Variants in LPXN observed in about 807,000 individuals in gnomAD.
The protein encoded by LPXN is leupaxin.
Under a neutral mutation model 45.6 loss-of-function variants are expected in LPXN, and 28 were observed. The ratio of observed to expected loss-of-function variants is 0.61; its 90% CI spans 0.45 to 0.84. The LOEUF is 0.84. Among genes scored for constraint, LPXN ranks in the 40% least tolerant of loss-of-function variants. The probability of loss-of-function intolerance (pLI) is 0.00; values close to 1 mark genes in which losing one functional copy is unlikely to be tolerated. For missense variants in LPXN, 459 were observed against 475.0 expected, an observed-to-expected ratio of 0.97 and a Z score of 0.31; for synonymous variants, 166 against 169.9, an observed-to-expected ratio of 0.98 and a Z score of 0.18.
At chr11:58,559,315 C>T (rs555946104) in intron 3 of LPXN, among the ~76,000 whole-genome samples, 2 of 152,018 alleles carry the variant, frequency 1.3e-5, no homozygotes, top group Non-Finnish European at 2.9e-5. Flanking sequence ...ACATATACCA[C>T]TTGATTGAGC....
intron 7 of LPXN, among the ~76,000 whole-genome samples, chr11:58,530,576 C>T (rs1364288977): frequency 1.3e-5 from 2 of 152,196 alleles, no homozygotes; most frequent in African/African-American, 4.8e-5. Context: ...ATAAAACCCC[C>T]ATCTCCCTGG....
At chr11:58,571,903 A>AT (rs1402460320) in intron 1 of LPXN, among the ~76,000 whole-genome samples, 1 of 152,196 alleles carries the variant, frequency 6.6e-6, no homozygotes, top group African/African-American at 2.4e-5. Flanking sequence ...AATCTGGGCT[A>AT]TCTGATCCCT....
chr11:58,569,498 CCT>C (rs1854619826), intron 2 of LPXN, among the ~76,000 whole-genome samples: 1 of 151,602 alleles, frequency 6.6e-6, no homozygotes, highest in African/African-American at 2.4e-5. Context: ...AAGCAATCCT[CCT>C]GCTTCAGCCA....
intron 2 of LPXN, among the ~76,000 whole-genome samples, chr11:58,570,042 G>A (rs1854639320): frequency 6.6e-6 from 1 of 151,462 alleles, no homozygotes; most frequent in East Asian, 1.9e-4. Flanking sequence ...GATGGCTCAT[G>A]CCTGTAATCC....
At chr11:58,568,867 T>C (rs981376034) in intron 2 of LPXN, among the ~76,000 whole-genome samples, 1 of 152,174 alleles carries the variant, frequency 6.6e-6, no homozygotes, top group African/African-American at 2.4e-5. Flanking sequence ...AACTATGGCT[T>C]TTACTCCAAA....
intron 5 of LPXN, among the ~76,000 whole-genome samples, chr11:58,550,692 G>T (rs975945583): frequency 1.3e-5 from 2 of 152,116 alleles, no homozygotes; most frequent in Admixed American, 1.3e-4. Flanking sequence ...GTGAACAAAG[G>T]GAGCAGTGAG....
upstream of LPXN, chr11:58,578,261 GA>G: frequency 2.4e-5 from 13 of 531,110 alleles, no homozygotes; most frequent in East Asian, 7.4e-5. Flanking sequence ...ACTGCCTCCC[GA>G]AAAAAAGGTA....
intron 7 of LPXN, among the ~76,000 whole-genome samples, chr11:58,538,297 G>A (rs1196363049): frequency 7.9e-5 from 12 of 152,058 alleles, no homozygotes; most frequent in Non-Finnish European, 2.9e-5. Context: ...CAGTAATGGG[G>A]TGGCTGGGCC....
chr11:58,560,255 T>C (rs1854333064), intron 3 of LPXN, among the ~76,000 whole-genome samples: 2 of 152,208 alleles, frequency 1.3e-5, no homozygotes, highest in Admixed American at 6.5e-5. Flanking sequence ...TATATCTCAG[T>C]TATTATACAC....
chr11:58,578,115 C>A (rs549285953), upstream of LPXN: 94 of 1,527,626 alleles, frequency 6.2e-5, no homozygotes, highest in Non-Finnish European at 8.0e-5. Flanking sequence ...GGCAGTTACG[C>A]AGACACCCCG....
At chr11:58,555,877 GAAAT>G (rs1854188481) in intron 3 of LPXN, among the ~76,000 whole-genome samples, 1 of 151,776 alleles carries the variant, frequency 6.6e-6, no homozygotes, top group Non-Finnish European at 1.5e-5. Context: ...AGAAAGATCA[GAAAT>G]AAATAAAACT....
At position 58,527,689 on chromosome 11, in the gene LPXN, A is replaced by G; in HGVS notation, c.926T>C (p.Phe309Ser). The change falls in exon 9 of 9, where the codon TTT becomes TCT. Residue 309 changes from phenylalanine (F) to serine (S), a missense_variant. By Grantham distance (155) the Phe-to-Ser change is radical. Transcript: ENST00000395074. ...ACAGAATGGACGTCCATCCAGTTCA[A>G]AGAAGGAGCCAGTAGAAAAACTGGT... ...CFTSFSTGSFFELDGRPFCEL... is the reference protein window; with the variant it reads ...CFTSFSTGSFSELDGRPFCEL... 6.2e-7 allele frequency: 1 copy of G among 1,614,108 alleles called. No homozygotes were observed. Among genetic ancestry groups the G allele is most frequent in the Non-Finnish European group, 8.5e-7 (1 of 1,180,006 alleles).
At chr11:58,536,979 T>C (rs1212064352) in intron 7 of LPXN, among the ~76,000 whole-genome samples, 7 of 152,154 alleles carry the variant, frequency 4.6e-5, no homozygotes, top group Admixed American at 3.9e-4. Flanking sequence ...TCACGCCAGT[T>C]AGAAAGGCGA....
chr11:58,569,206 C>T lies in LPXN; in HGVS notation c.171+1350G>A, dbSNP rs377054725. Among the ~76,000 whole-genome samples, 204 of 152,306 alleles carry T rather than the reference C, an allele frequency of 1.3e-3. 1 individual carries two copies. The highest frequency in any genetic ancestry group is 4.7e-3 in the African/African-American group (195 of 41,570). ...ATCAAAATATCATAGTACAAAATTA[C>T]CAGCTATGAAGAGCATCTACTTAAT... On this transcript the variant is annotated intron_variant, in intron 2 of 8. Transcript: ENST00000395074.
At chr11:58,557,880 G>A (rs1273202496) in intron 3 of LPXN, among the ~76,000 whole-genome samples, 2 of 151,092 alleles carry the variant, frequency 1.3e-5, no homozygotes, top group African/African-American at 4.9e-5. Flanking sequence ...TATAAATGAA[G>A]ATAAATATTA....
upstream of LPXN, chr11:58,575,929 G>T: frequency 5.6e-6 from 8 of 1,426,306 alleles, no homozygotes; most frequent in South Asian, 1.5e-5. Context: ...CCTCTCTTTT[G>T]ATTTGGTGAG....
In LPXN at chr11:58,554,830, C is replaced by A. The variant is rs780232788; in HGVS notation, c.318+11G>T. ...TCACCTTGGCCTGCACTCACCTTGG[C>A]CTGCACTCACCTTGGCCTGCATCTC... On this transcript the variant is annotated intron_variant, in intron 4 of 8. Transcript: ENST00000395074. 6.2e-7 allele frequency: 1 copy of A among 1,610,092 alleles called. No homozygotes were observed. The highest frequency in any genetic ancestry group is 8.5e-7 in the Non-Finnish European group (1 of 1,177,606).
chr11:58,576,880 G>A (rs1412693317), upstream of LPXN, among the ~76,000 whole-genome samples: 1 of 152,130 alleles, frequency 6.6e-6, no homozygotes, highest in Non-Finnish European at 1.5e-5. Context: ...GAACTCAAGC[G>A]ATTTGCCCTT....
chr11:58,539,954 A>C (rs1853664991), intron 7 of LPXN, among the ~76,000 whole-genome samples: 1 of 152,204 alleles, frequency 6.6e-6, no homozygotes, highest in Non-Finnish European at 1.5e-5. Flanking sequence ...GATCGGGATG[A>C]CACTGCTTAA....
Sources: allele counts gnomAD v4.1 joint callset (sites outside exome capture counted in the v4.1 genomes callset), GRCh38; gene constraint gnomAD v4.1.1; transcripts MANE v1.5; gene names NCBI Gene and HGNC (gene_info 2026-07-23, HGNC 2026-07-21).